ATXN1: variants seen among roughly 807,000 people sequenced by gnomAD.
ATXN1 encodes ataxin 1.
ATXN1 carries 8 observed loss-of-function variants against 56.4 expected under a neutral mutation model. The observed-to-expected ratio is 0.14, with a 90% CI of 0.08 to 0.26. ATXN1 has a LOEUF of 0.26. Among genes scored for constraint, ATXN1 ranks in the 10% least tolerant of loss-of-function variants. The pLI is 1.00. For synonymous variants in ATXN1, 514 were observed against 494.6 expected (o/e 1.04, Z -0.52); for missense variants, 987 against 1,106.5 (o/e 0.89, Z 1.53).
intron 6 of ATXN1, among the ~76,000 whole-genome samples, chr6:16,447,078 T>C (rs1759650787): frequency 6.6e-6 from 1 of 152,230 alleles, no homozygotes; most frequent in Non-Finnish European, 1.5e-5. Flanking sequence ...TAATTCTTTC[T>C]AATGATAGTG....
intron 2 of ATXN1, among the ~76,000 whole-genome samples, chr6:16,686,326 A>T (rs1017982174): frequency 1.2e-4 from 18 of 151,984 alleles, no homozygotes; most frequent in Non-Finnish European, 1.9e-4. Context: ...GAAGTAGTAT[A>T]AAAAAAAGAG....
At chr6:16,756,892 A>C (rs576075866) in intron 1 of ATXN1, among the ~76,000 whole-genome samples, 2 of 152,386 alleles carry the variant, frequency 1.3e-5, no homozygotes, top group East Asian at 3.9e-4. Flanking sequence ...GTTAGTCATC[A>C]GAAACTGTCA....
intron 4 of ATXN1, among the ~76,000 whole-genome samples, chr6:16,523,510 T>G (rs931489461): frequency 6.6e-6 from 1 of 152,208 alleles, no homozygotes; most frequent in Non-Finnish European, 1.5e-5. Flanking sequence ...ACACCTGGAT[T>G]AAAATGTTGT....
At chr6:16,756,811 C>A (rs573721741) in intron 1 of ATXN1, among the ~76,000 whole-genome samples, 6 of 152,152 alleles carry the variant, frequency 3.9e-5, no homozygotes, top group African/African-American at 9.7e-5. Context: ...TACCTACTTA[C>A]GTGAGTTTCA....
At chr6:16,636,204 G>C (rs1763594390) in intron 3 of ATXN1, among the ~76,000 whole-genome samples, 1 of 152,194 alleles carries the variant, frequency 6.6e-6, no homozygotes, top group South Asian at 2.1e-4. Context: ...CTCCAAGGAT[G>C]ATCTGGGCTA....
chr6:16,335,399 C>T (rs1484418847), intron 6 of ATXN1, among the ~76,000 whole-genome samples: 11 of 152,224 alleles, frequency 7.2e-5, no homozygotes, highest in Admixed American at 1.3e-4. Context: ...CTCGCCCCAA[C>T]GCGCTCGGGT....
intron 3 of ATXN1, among the ~76,000 whole-genome samples, chr6:16,642,789 A>G (rs1450447653): frequency 1.3e-5 from 2 of 152,218 alleles, no homozygotes; most frequent in Non-Finnish European, 2.9e-5. Context: ...GATCGTTAAC[A>G]GTTTTTAGCA....
chr6:16,679,530 AAAAGT>A (rs1456589742), intron 2 of ATXN1, among the ~76,000 whole-genome samples: 1 of 152,238 alleles, frequency 6.6e-6, no homozygotes, highest in Non-Finnish European at 1.5e-5. Flanking sequence ...AAAGTTAAGC[AAAAGT>A]CATATATAGT....
In ATXN1 at chr6:16,326,349, T is replaced by A. The variant is rs1332160173; in HGVS notation, c.1917+45A>T. The A allele has an allele frequency of 5.6e-6, 9 of 1,600,622 alleles. No homozygotes were observed. Among genetic ancestry groups the A allele is most frequent in the Non-Finnish European group, 7.7e-6 (9 of 1,173,212 alleles). On this transcript the variant is annotated intron_variant, in intron 7 of 7. Transcript: ENST00000436367. This position sits in a 1 kb window ranked among gnomAD's most constrained non-coding sequence, Gnocchi z 6.6. The stretch of plus-strand genomic sequence containing the variant: ...GTCTTGCCAGGAGATGATGATGGCA[T>A]CACGGTGTGGTGTCCCATCCCTGTG...
chr6:16,354,252 C>T (rs1180941363), intron 6 of ATXN1, among the ~76,000 whole-genome samples: 3 of 151,872 alleles, frequency 2.0e-5, no homozygotes, highest in African/African-American at 7.3e-5. Context: ...TTCCTTCTAT[C>T]TTATTTCACT....
At chr6:16,422,326 C>T (rs550456130) in intron 6 of ATXN1, among the ~76,000 whole-genome samples, 33 of 152,334 alleles carry the variant, frequency 2.2e-4, no homozygotes, top group Admixed American at 8.5e-4. Flanking sequence ...GCACAGTAAG[C>T]GCACTTTCTC....
At chr6:16,375,438 A>G (rs993628544) in intron 6 of ATXN1, among the ~76,000 whole-genome samples, 2 of 152,272 alleles carry the variant, frequency 1.3e-5, no homozygotes, top group Admixed American at 1.3e-4. Context: ...ACATGCTAAC[A>G]CCCATCCTGA....
At chr6:16,749,522 G>A (rs1011739898) in intron 2 of ATXN1, among the ~76,000 whole-genome samples, 2 of 152,146 alleles carry the variant, frequency 1.3e-5, no homozygotes, top group African/African-American at 4.8e-5. Context: ...AGGAAGAGAG[G>A]TTTTGACAAG....
At chr6:16,605,286 G>T (rs928706476) in intron 3 of ATXN1, among the ~76,000 whole-genome samples, 2 of 152,130 alleles carry the variant, frequency 1.3e-5, no homozygotes, top group African/African-American at 2.4e-5. Flanking sequence ...GCAGAACTTG[G>T]GAGCTAGAAT....
In ATXN1 at chr6:16,657,846, G is replaced by A. The variant is rs1177483507; in HGVS notation, c.-559C>T. 6.6e-6 allele frequency: 1 copy of A among 152,162 alleles called. No homozygotes were observed. Among genetic ancestry groups the A allele is most frequent in the Non-Finnish European group, 1.5e-5 (1 of 68,036 alleles). The allele number at this position is 152,162 out of a possible 1,614,324, so 9.4% of individuals were successfully genotyped here. On this transcript the variant is annotated 5_prime_UTR_variant, in exon 3 of 8. Transcript: ENST00000436367. ...ACTCTTTCTCTCTTGTTCCTGGTCTGCAGCAGCACTAAGTTTGAAGCTTCA... is the reference window on the plus strand; with the variant it reads ...ACTCTTTCTCTCTTGTTCCTGGTCTACAGCAGCACTAAGTTTGAAGCTTCA...
At chr6:16,375,448 A>G (rs1490985907) in intron 6 of ATXN1, among the ~76,000 whole-genome samples, 1 of 152,250 alleles carries the variant, frequency 6.6e-6, no homozygotes. Context: ...ACCCATCCTG[A>G]GCCCAGCGAA....
chr6:16,306,903 C>A lies in ATXN1; in HGVS notation c.1918-44G>T. ...ACAGAGAGAGGAAGAAGGAAGGGAACAAATGAAAACATTTTATTCTTGTTT... is the reference window on the plus strand; with the variant it reads ...ACAGAGAGAGGAAGAAGGAAGGGAAAAAATGAAAACATTTTATTCTTGTTT... On this transcript the variant is annotated intron_variant, in intron 7 of 7. Transcript: ENST00000436367. The surrounding 1 kb of genome is among the most constrained non-coding windows in gnomAD (Gnocchi z 5.2). The A allele has an allele frequency of 6.5e-7, 1 of 1,531,088 alleles. No individual in the cohort carries two copies. The highest frequency in any genetic ancestry group is 1.2e-5 in the South Asian group (1 of 81,538). 94.8% of individuals were successfully genotyped at this position (1,531,088 alleles called of 1,614,324 possible). A position where few individuals can be genotyped will look rare whatever the true frequency, so the allele number is the denominator to read the frequency against.
At position 16,326,595 on chromosome 6, in the gene ATXN1, G is replaced by C. The variant is rs1444092092; in HGVS notation, c.1716C>G (p.Pro572=). ...GGATGATGGAGCCTTTCATGAAGTAGGGAGGCAGCGTAGGGGGAGCCGCCG... is the reference window on the plus strand; with the variant it reads ...GGATGATGGAGCCTTTCATGAAGTACGGAGGCAGCGTAGGGGGAGCCGCCG... ...SPAAAPPTLP[P]YFMKGSIIQL... Residue 572 remains proline, a synonymous_variant, in exon 7 of 8, where the codon CCC becomes CCG. Coordinates refer to ENST00000436367, the MANE Select transcript of ATXN1 (RefSeq NM_001128164.2). This position sits in a 1 kb window ranked among gnomAD's most constrained non-coding sequence, Gnocchi z 6.6. 1.9e-6 allele frequency: 3 copies of C among 1,614,040 alleles called. No homozygotes were observed. Among genetic ancestry groups the C allele is most frequent in the Non-Finnish European group, 8.5e-7 (1 of 1,180,044 alleles).
intron 3 of ATXN1, among the ~76,000 whole-genome samples, chr6:16,647,781 A>C (rs1375557284): frequency 6.6e-6 from 1 of 152,220 alleles, no homozygotes; most frequent in Non-Finnish European, 1.5e-5. Flanking sequence ...ATAATGCTGG[A>C]AAAATAAAAT....
Sources: gnomAD v4.1 joint callset for allele counts (sites outside exome capture counted in the v4.1 genomes callset) on GRCh38, gnomAD v4.1.1 for gene constraint, Gnocchi (gnomAD v3.1) non-coding constraint, MANE v1.5 for transcripts, NCBI Gene and HGNC (gene_info 2026-07-23, HGNC 2026-07-21) for gene names.